Variants in EPB41 observed in about 807,000 individuals in gnomAD.
EPB41 encodes the protein protein 4.1.
Under a neutral mutation model 108.0 loss-of-function variants are expected in EPB41, and 65 were observed. That is an observed-to-expected ratio of 0.60 (90% CI 0.49 to 0.74). The LOEUF (loss-of-function observed/expected upper bound fraction) is 0.74, where lower values mean the gene tolerates loss of function less well. Among genes scored for constraint, EPB41 ranks in the 30% least tolerant of loss-of-function variants. The probability of loss-of-function intolerance (pLI) is 0.00; values close to 1 mark genes in which losing one functional copy is unlikely to be tolerated. For synonymous variants in EPB41, 336 were observed against 358.9 expected, an observed-to-expected ratio of 0.94 and a Z score of 0.72; for missense variants, 875 against 1,037.0, an observed-to-expected ratio of 0.84 and a Z score of 2.15.
chr1:28,941,010 A>C (rs540792199), intron 1 of EPB41, among the ~76,000 whole-genome samples: 46 of 152,150 alleles, frequency 3.0e-4, no homozygotes, highest in South Asian at 6.2e-4. Flanking sequence ...GTAGATGGTG[A>C]ATTTGGTTTT....
chr1:28,911,889 A>G (rs966185268), upstream of EPB41, among the ~76,000 whole-genome samples: 3 of 45,790 alleles, frequency 6.6e-5, no homozygotes, highest in African/African-American at 9.6e-5. Context: ...TTAACAATAC[A>G]AAATTAGCCA....
chr1:29,109,281 A>G (rs768717044), intron 17 of EPB41, 55 bp from the exon 18 acceptor site: 59 of 1,358,676 alleles, frequency 4.3e-5, no homozygotes, highest in Non-Finnish European at 6.0e-5. Flanking sequence ...GCAGCCTGCA[A>G]CATTTGCCCA....
In EPB41 at chr1:29,035,855, C is replaced by G. The variant is rs767012665; in HGVS notation, c.1395C>G (p.Phe465Leu). 3.1e-6 allele frequency: 5 copies of G among 1,613,904 alleles called. No individual in the cohort carries two copies. In the African/African-American group the frequency reaches 4.0e-5, roughly 13 times the overall value. ...EQEQYESTIGFKLPSYRAAKK... is the reference protein window; with the variant it reads ...EQEQYESTIGLKLPSYRAAKK... ...AGCAGTATGAAAGTACCATCGGATTCAAACTTCCCAGTTACCGAGCAGCTA... is the reference window on the plus strand; with the variant it reads ...AGCAGTATGAAAGTACCATCGGATTGAAACTTCCCAGTTACCGAGCAGCTA... The change falls in exon 10 of 21, where the codon TTC (phenylalanine) becomes TTG (leucine). Residue 465 changes from phenylalanine to leucine, a missense_variant. Phe to Leu is a conservative substitution (Grantham distance 22). Coordinates refer to ENST00000343067, the MANE Select transcript of EPB41 (RefSeq NM_001376013.1).
chr1:28,945,245 CTTGT>C (rs2094451675), intron 1 of EPB41, among the ~76,000 whole-genome samples: 1 of 151,914 alleles, frequency 6.6e-6, no homozygotes, highest in Non-Finnish European at 1.5e-5. Flanking sequence ...TCTGTTGTTA[CTTGT>C]TTAATTATCT....
At chr1:28,974,645 C>G (rs1010720952) in intron 1 of EPB41, among the ~76,000 whole-genome samples, 1 of 152,062 alleles carries the variant, frequency 6.6e-6, no homozygotes, top group African/African-American at 2.4e-5. Flanking sequence ...AAGGACAGCA[C>G]TTAGGATTCT....
At chr1:28,997,166 T>G (rs1022011759) in intron 3 of EPB41, 49 bp from the exon 4 acceptor site, 1 of 1,381,014 alleles carries the variant, frequency 7.2e-7, no homozygotes, top group African/African-American at 1.4e-5. Context: ...GGGGAAAAAA[T>G]AAAAGAAGAA....
chr1:28,897,166 G>A (rs561888630), intron 1 of EPB41, among the ~76,000 whole-genome samples: 3 of 152,238 alleles, frequency 2.0e-5, no homozygotes, highest in East Asian at 3.9e-4. Flanking sequence ...GTAGGGATGA[G>A]ACCTCTTTGG....
chr1:29,020,710 T>A (rs767765096), intron 7 of EPB41, among the ~76,000 whole-genome samples: 1 of 151,964 alleles, frequency 6.6e-6, no homozygotes, highest in Non-Finnish European at 1.5e-5. Context: ...CAGAGTGTAG[T>A]GTAGTGGTGT....
At chr1:28,898,104 CGTT>C (rs934128914) in intron 1 of EPB41, among the ~76,000 whole-genome samples, 3 of 152,090 alleles carry the variant, frequency 2.0e-5, no homozygotes, top group African/African-American at 7.2e-5. Flanking sequence ...TGAGCACTGT[CGTT>C]GGTGTGGCTG....
At chr1:28,888,969 G>T (rs1202028445) in intron 1 of EPB41, among the ~76,000 whole-genome samples, 2 of 152,184 alleles carry the variant, frequency 1.3e-5, no homozygotes, top group African/African-American at 4.8e-5. Flanking sequence ...TGCGCAAGGA[G>T]GTAGGAGGCT....
intron 16 of EPB41, chr1:29,068,865 GAAC>G: frequency 9.2e-7 from 1 of 1,082,542 alleles, no homozygotes; most frequent in East Asian, 3.2e-5. Flanking sequence ...CCCCAGAACT[GAAC>G]AACAGCTGCT....
intron 1 of EPB41, among the ~76,000 whole-genome samples, chr1:28,965,464 C>G (rs955390350): frequency 5.3e-5 from 8 of 152,002 alleles, no homozygotes; most frequent in Non-Finnish European, 1.2e-4. Flanking sequence ...AGTCTGGAGA[C>G]TGTATCAAAG....
chr1:29,086,838 A>G (rs1327691443), intron 16 of EPB41, among the ~76,000 whole-genome samples: 1 of 152,044 alleles, frequency 6.6e-6, no homozygotes, highest in Non-Finnish European at 1.5e-5. Context: ...ACAGGTACTC[A>G]TACATGGCTC....
intron 11 of EPB41, among the ~76,000 whole-genome samples, chr1:29,045,143 T>C (rs1260641358): frequency 6.6e-6 from 1 of 152,218 alleles, no homozygotes; most frequent in Non-Finnish European, 1.5e-5. Flanking sequence ...AAAAAAGTCT[T>C]AATACTTTTA....
At chr1:29,085,694 G>A (rs1658575913) in intron 16 of EPB41, among the ~76,000 whole-genome samples, 6 of 151,988 alleles carry the variant, frequency 3.9e-5, no homozygotes, top group Admixed American at 3.9e-4. Flanking sequence ...GGGAATATAG[G>A]CATACACCAC....
At chr1:28,925,196 C>T (rs2093372889) in intron 1 of EPB41, among the ~76,000 whole-genome samples, 1 of 152,132 alleles carries the variant, frequency 6.6e-6, no homozygotes, top group African/African-American at 2.4e-5. Context: ...AACTCCTGAC[C>T]TTGTGATCCG....
At chr1:29,035,754 A>G in intron 9 of EPB41, 72 bp from the exon 10 acceptor site, 1 of 1,092,626 alleles carries the variant, frequency 9.2e-7, no homozygotes, top group South Asian at 1.3e-5. Flanking sequence ...TTTCTCTGGT[A>G]CTGTATCACT....
chr1:29,003,919 C>T (rs903232917), intron 4 of EPB41, among the ~76,000 whole-genome samples: 68 of 152,312 alleles, frequency 4.5e-4, no homozygotes, highest in African/African-American at 1.4e-3. Flanking sequence ...CCCACCACCA[C>T]AGCCAGCTAA....
intron 12 of EPB41, chr1:29,054,358 C>G (rs1644992277): frequency 6.6e-6 from 1 of 151,976 alleles, no homozygotes; most frequent in Non-Finnish European, 1.5e-5. Flanking sequence ...AAGCAGTCTT[C>G]ATAAGAAGAA....
Sources: allele counts gnomAD v4.1 joint callset (sites outside exome capture counted in the v4.1 genomes callset), GRCh38; gene constraint gnomAD v4.1.1; transcripts MANE v1.5; gene names NCBI Gene and HGNC (gene_info 2026-07-23, HGNC 2026-07-21).